RBKS: variants seen among roughly 807,000 people sequenced by gnomAD.
The protein encoded by RBKS is ribokinase.
Under a neutral mutation model 33.9 loss-of-function variants are expected in RBKS, and 33 were observed. The ratio of observed to expected loss-of-function variants is 0.97; its 90% CI spans 0.74 to 1.30. The LOEUF (loss-of-function observed/expected upper bound fraction) is 1.30. Among genes scored for constraint, RBKS ranks in the 50% most tolerant of loss-of-function variants. RBKS has a pLI of 0.00. For missense variants in RBKS, 361 were observed against 392.6 expected (o/e 0.92, Z 0.68); for synonymous variants, 125 against 143.0 (o/e 0.87, Z 0.90).
chr2:27,885,867 G>C (rs887482585), intron 1 of RBKS, among the ~76,000 whole-genome samples: 1 of 152,064 alleles, frequency 6.6e-6, no homozygotes, highest in Admixed American at 6.5e-5. Flanking sequence ...TTTCTTGAAT[G>C]AATAATTAAA....
chr2:27,850,518 C>A (rs1663725268), intron 2 of RBKS, among the ~76,000 whole-genome samples: 1 of 152,226 alleles, frequency 6.6e-6, no homozygotes, highest in African/African-American at 2.4e-5. Flanking sequence ...AACCACTAAT[C>A]TTTTGTCTCC....
chr2:27,880,246 T>C (rs573454617), intron 1 of RBKS, among the ~76,000 whole-genome samples: 1 of 152,264 alleles, frequency 6.6e-6, no homozygotes, highest in East Asian at 1.9e-4. Context: ...AAACTCTCAA[T>C]AAACTAGGTA....
intron 1 of RBKS, among the ~76,000 whole-genome samples, chr2:27,866,877 G>A (rs1012387010): frequency 6.6e-6 from 1 of 152,122 alleles, no homozygotes; most frequent in Non-Finnish European, 1.5e-5. Flanking sequence ...GCTGAGGTGG[G>A]AGGATTGTTT....
chr2:27,865,995 C>A (rs56183370), intron 1 of RBKS, among the ~76,000 whole-genome samples: 11,510 of 152,060 alleles, frequency 0.076, 738 homozygotes, highest in African/African-American at 0.17. Context: ...TGTATTTACC[C>A]ATATATTTAC....
At chr2:27,789,110 A>T (rs1677460077) in intron 7 of RBKS, among the ~76,000 whole-genome samples, 1 of 152,240 alleles carries the variant, frequency 6.6e-6, no homozygotes, top group African/African-American at 2.4e-5. Flanking sequence ...ATACTGACAT[A>T]AGGATAGACA....
chr2:27,809,973 C>G, intron 7 of RBKS: 1 of 1,304,220 alleles, frequency 7.7e-7, no homozygotes, highest in Non-Finnish European at 1.0e-6. Flanking sequence ...TAAAAGGATT[C>G]TCTGGGTTAT....
At chr2:27,825,212 T>C (rs940992525) in intron 7 of RBKS, among the ~76,000 whole-genome samples, 4 of 152,242 alleles carry the variant, frequency 2.6e-5, no homozygotes, top group African/African-American at 9.6e-5. Context: ...AGTTTTCTTA[T>C]GTCCCCCCAT....
intron 3 of RBKS, 52 bp from the exon 4 acceptor site, chr2:27,847,156 A>G (rs1663637939): frequency 1.9e-6 from 2 of 1,057,282 alleles, no homozygotes; most frequent in Admixed American, 1.8e-5. Flanking sequence ...GGCATGGATA[A>G]TTTATTTTAA....
chr2:27,826,420 T>C (rs1366729185), intron 7 of RBKS, among the ~76,000 whole-genome samples: 3 of 151,844 alleles, frequency 2.0e-5, no homozygotes, highest in African/African-American at 7.3e-5. Flanking sequence ...TTTCTTTTTT[T>C]TTTTTTTGAG....
At chr2:27,841,397 C>G (rs1663504333) in intron 5 of RBKS, among the ~76,000 whole-genome samples, 2 of 152,118 alleles carry the variant, frequency 1.3e-5, no homozygotes, top group African/African-American at 4.8e-5. Context: ...AAGACAAGAG[C>G]AGGAGCAGGG....
At chr2:27,820,491 C>T (rs1211284658) in intron 7 of RBKS, among the ~76,000 whole-genome samples, 1 of 151,940 alleles carries the variant, frequency 6.6e-6, no homozygotes, top group Non-Finnish European at 1.5e-5. Flanking sequence ...CATTCTTGTA[C>T]AAATATTTGT....
chr2:27,813,688 G>C (rs908460696), intron 7 of RBKS, among the ~76,000 whole-genome samples: 1 of 151,608 alleles, frequency 6.6e-6, no homozygotes, highest in East Asian at 1.9e-4. Context: ...TATGTATGGA[G>C]AGAGAGAGAG....
intron 5 of RBKS, among the ~76,000 whole-genome samples, chr2:27,841,789 T>C (rs66753732): frequency 0.07 from 10,632 of 151,876 alleles, 719 homozygotes; most frequent in African/African-American, 0.17. Context: ...CTTTTTAGTT[T>C]TGTATCTTGA....
intron 1 of RBKS, among the ~76,000 whole-genome samples, chr2:27,881,141 T>C (rs1421742119): frequency 1.3e-5 from 2 of 152,060 alleles, no homozygotes; most frequent in South Asian, 4.1e-4. Flanking sequence ...TCCAGCTATT[T>C]GGGAGGTTAA....
chr2:27,870,762 G>T (rs776360719), intron 1 of RBKS: 1 of 463,524 alleles, frequency 2.2e-6, no homozygotes, highest in South Asian at 1.5e-5. Context: ...CTCTGTCCAT[G>T]CATATACTCA....
intron 1 of RBKS, among the ~76,000 whole-genome samples, chr2:27,864,353 T>C (rs555985124): frequency 1.3e-5 from 2 of 152,314 alleles, no homozygotes; most frequent in South Asian, 4.1e-4. Flanking sequence ...AAAATGTCAT[T>C]TTGTCTGAAG....
intron 6 of RBKS, among the ~76,000 whole-genome samples, chr2:27,829,647 G>A (rs1259827708): frequency 2.0e-5 from 3 of 152,024 alleles, no homozygotes; most frequent in African/African-American, 4.8e-5. Context: ...GATTACAGGC[G>A]TGAGCCACCA....
At chr2:27,801,693 G>T (rs1677787345) in intron 7 of RBKS, among the ~76,000 whole-genome samples, 1 of 151,948 alleles carries the variant, frequency 6.6e-6, no homozygotes, top group South Asian at 2.1e-4. Flanking sequence ...CTGGCTCATG[G>T]TTTTGCAGGT....
chr2:27,857,178 C>T (rs374736369), intron 2 of RBKS, among the ~76,000 whole-genome samples: 10 of 152,276 alleles, frequency 6.6e-5, no homozygotes, highest in African/African-American at 1.9e-4. Flanking sequence ...AATGACATTT[C>T]GAGAATTTTT....
Sources: gnomAD v4.1 joint callset for allele counts (sites outside exome capture counted in the v4.1 genomes callset) on GRCh38, gnomAD v4.1.1 for gene constraint, MANE v1.5 for transcripts, NCBI Gene and HGNC (gene_info 2026-07-23, HGNC 2026-07-21) for gene names.